The following PDE1A variants were observed in gnomAD, a reference collection of about 807,000 sequenced individuals.
PDE1A encodes the protein phosphodiesterase 1A.
In PDE1A, 35 loss-of-function variants were observed where a neutral mutation model predicts 61.7. That is an observed-to-expected ratio of 0.57 (90% CI 0.43 to 0.75). The LOEUF is 0.75. Ranked by LOEUF, PDE1A falls within the 30% of genes least tolerant of loss-of-function variation. The pLI, the probability that PDE1A is intolerant of heterozygous loss-of-function variation, is 0.00. For missense variants in PDE1A, 597 were observed against 630.6 expected (o/e 0.95, Z 0.57); for synonymous variants, 232 against 213.2 (o/e 1.09, Z -0.77).
the PDE1A span, among the ~76,000 whole-genome samples, chr2:182,575,940 T>G: frequency 6.8e-6 from 1 of 147,212 alleles, no homozygotes; most frequent in Non-Finnish European, 1.5e-5. Context: ...ATATATAGTA[T>G]TAATATATTA....
At chr2:182,262,127 CTCCTTTCTTTCTTTCTCTTT>C (rs1165555673) in intron 2 of PDE1A, among the ~76,000 whole-genome samples, 3 of 151,732 alleles carry the variant, frequency 2.0e-5, no homozygotes, top group South Asian at 2.1e-4. Flanking sequence ...TTCTTTCTTT[CTCCTTTCTTTCTTTCTCTTT>C]TCCTTTCTTT....
intron 2 of PDE1A, among the ~76,000 whole-genome samples, chr2:182,435,394 TAAG>T (rs999865545): frequency 1.3e-5 from 2 of 152,044 alleles, no homozygotes; most frequent in African/African-American, 4.8e-5. Context: ...ACTAGCAGGA[TAAG>T]AAGAAGAGCA....
At chr2:182,485,867 G>T (rs1350807643) in intron 2 of PDE1A, among the ~76,000 whole-genome samples, 1 of 151,930 alleles carries the variant, frequency 6.6e-6, no homozygotes, top group Non-Finnish European at 1.5e-5. Flanking sequence ...TCTAAGAGAA[G>T]CATTGAACAA....
intron 13 of PDE1A, among the ~76,000 whole-genome samples, chr2:182,154,653 C>T (rs1054582346): frequency 1.3e-5 from 2 of 152,198 alleles, no homozygotes; most frequent in African/African-American, 2.4e-5. Context: ...CACACCTTTG[C>T]TTCTCCTTTG....
rs971445960 is a variant in PDE1A, at chr2:182,488,171, T to C, written c.101+34105A>G. ...CAAAACCAGTTCCATCACACTGATA[T>C]GTTTTAATAAATCAGAAAGTTATAA... On this transcript the variant is annotated intron_variant, in intron 2 of 14. Transcript: ENST00000410103. Among the ~76,000 whole-genome samples the C allele has an allele frequency of 3.3e-5, 5 of 152,314 alleles. No homozygotes were observed. The East Asian group carries it at 7.7e-4, about 24-fold the overall frequency.
chr2:182,525,200 A>C (rs1006872283), upstream of PDE1A, among the ~76,000 whole-genome samples: 1 of 152,176 alleles, frequency 6.6e-6, no homozygotes, highest in Non-Finnish European at 1.5e-5. Context: ...TAATTGCTTA[A>C]TAATTATTAG....
At chr2:182,144,918 A>G (rs980313300), downstream of PDE1A, among the ~76,000 whole-genome samples, 1 of 150,764 alleles carries the variant, frequency 6.6e-6, no homozygotes, top group Admixed American at 6.6e-5. Flanking sequence ...TGCCAGAGCC[A>G]AAGAGTGGCT....
At chr2:182,442,657 C>T (rs1684869385) in intron 2 of PDE1A, among the ~76,000 whole-genome samples, 1 of 151,810 alleles carries the variant, frequency 6.6e-6, no homozygotes, top group South Asian at 2.1e-4. Flanking sequence ...ATAAATGGGG[C>T]AAAACATAAA....
intron 2 of PDE1A, among the ~76,000 whole-genome samples, chr2:182,455,880 C>T (rs1021066637): frequency 1.3e-5 from 2 of 150,646 alleles, no homozygotes; most frequent in Non-Finnish European, 2.9e-5. Context: ...ACATTGTGCA[C>T]ATGTACCCTA....
the PDE1A span, among the ~76,000 whole-genome samples, chr2:182,633,214 T>G: frequency 2.4e-3 from 361 of 152,310 alleles, no homozygotes; most frequent in African/African-American, 8.0e-3. Context: ...TTTCAGTTGC[T>G]CAGGTCAACA....
the PDE1A span, among the ~76,000 whole-genome samples, chr2:182,581,310 A>G: frequency 6.6e-6 from 1 of 152,068 alleles, no homozygotes; most frequent in African/African-American, 2.4e-5. Flanking sequence ...GACTCAGACA[A>G]GAACAGAATT....
intron 2 of PDE1A, among the ~76,000 whole-genome samples, chr2:182,440,420 G>T (rs1574660711): frequency 6.6e-6 from 1 of 151,998 alleles, no homozygotes; most frequent in Non-Finnish European, 1.5e-5. Flanking sequence ...AGACCAATGG[G>T]ATGCTACTTA....
At chr2:182,669,865 G>A in the PDE1A span, among the ~76,000 whole-genome samples, 4 of 152,224 alleles carry the variant, frequency 2.6e-5, no homozygotes, top group Non-Finnish European at 5.9e-5. Flanking sequence ...GAATCCGGGA[G>A]TGGCCAACCC....
intron 2 of PDE1A, among the ~76,000 whole-genome samples, chr2:182,490,705 T>C (rs116730292): frequency 3.9e-5 from 6 of 152,284 alleles, no homozygotes; most frequent in Admixed American, 2.0e-4. Context: ...GAAAATATTA[T>C]GGTACACTTA....
chr2:182,696,519 G>A, the PDE1A span, among the ~76,000 whole-genome samples: 2 of 152,164 alleles, frequency 1.3e-5, no homozygotes, highest in Non-Finnish European at 2.9e-5. Flanking sequence ...TTAGGACAGT[G>A]AGACTACTCT....
At chr2:182,305,119 T>C (rs1695493046) in intron 1 of PDE1A, among the ~76,000 whole-genome samples, 1 of 152,184 alleles carries the variant, frequency 6.6e-6, no homozygotes, top group Admixed American at 6.5e-5. Flanking sequence ...TAACACATTA[T>C]TGGCTTTCTT....
the PDE1A span, among the ~76,000 whole-genome samples, chr2:182,534,324 G>C: frequency 6.6e-6 from 1 of 151,666 alleles, no homozygotes; most frequent in African/African-American, 2.4e-5. Flanking sequence ...GCATCTCAGT[G>C]CTTTTACACA....
the PDE1A span, among the ~76,000 whole-genome samples, chr2:182,540,938 C>T: frequency 3.9e-5 from 6 of 152,066 alleles, no homozygotes; most frequent in Non-Finnish European, 8.8e-5. Flanking sequence ...TATATTTATG[C>T]TTATTCCATG....
chr2:182,526,190 CA>C (rs1690771286), upstream of PDE1A, among the ~76,000 whole-genome samples: 1 of 152,066 alleles, frequency 6.6e-6, no homozygotes, highest in African/African-American at 2.4e-5. Flanking sequence ...AATTTCTGAA[CA>C]ATATCGCAGA....
Sources: allele counts gnomAD v4.1 joint callset (sites outside exome capture counted in the v4.1 genomes callset), GRCh38; gene constraint gnomAD v4.1.1; transcripts MANE v1.5; gene names NCBI Gene and HGNC (gene_info 2026-07-23, HGNC 2026-07-21).